The following SLC4A4 variants were observed in gnomAD, a reference collection of about 807,000 sequenced individuals.
SLC4A4 encodes electrogenic sodium bicarbonate cotransporter 1.
In SLC4A4, 27 loss-of-function variants were observed where a neutral mutation model predicts 111.5. That is an observed-to-expected ratio of 0.24 (90% confidence interval 0.18 to 0.33). The LOEUF (loss-of-function observed/expected upper bound fraction) is 0.33. Among genes scored for constraint, SLC4A4 ranks in the 10% least tolerant of loss-of-function variants. The pLI, the probability that SLC4A4 is intolerant of heterozygous loss-of-function variation, is 1.00. For missense variants in SLC4A4, 909 were observed against 1,315.5 expected (o/e 0.69, Z 4.78); for synonymous variants, 443 against 463.4 (o/e 0.96, Z 0.57).
intron 3 of SLC4A4, among the ~76,000 whole-genome samples, chr4:71,289,528 C>T (rs546711408): frequency 2.6e-5 from 4 of 152,024 alleles, no homozygotes; most frequent in Admixed American, 6.6e-5. Context: ...AGAGAGAGAA[C>T]GTGTACATCC....
intron 12 of SLC4A4, among the ~76,000 whole-genome samples, chr4:71,464,931 A>G (rs1198110530): frequency 6.6e-6 from 1 of 152,148 alleles, no homozygotes; most frequent in Non-Finnish European, 1.5e-5. Context: ...TTTCTTCATA[A>G]TCATTTTATG....
chr4:71,332,488 A>G (rs1234914183), intron 3 of SLC4A4, among the ~76,000 whole-genome samples: 1 of 139,604 alleles, frequency 7.2e-6, no homozygotes, highest in African/African-American at 2.7e-5. Flanking sequence ...TCTGTCGCCC[A>G]GGCGGGAGTG....
At chr4:71,209,136 C>A (rs1195051480) in intron 1 of SLC4A4, among the ~76,000 whole-genome samples, 1 of 152,150 alleles carries the variant, frequency 6.6e-6, no homozygotes, top group East Asian at 1.9e-4. Flanking sequence ...CTTTATATGA[C>A]AAGGGCACAT....
chr4:71,269,483 C>T (rs1722538367), intron 3 of SLC4A4, among the ~76,000 whole-genome samples: 1 of 152,200 alleles, frequency 6.6e-6, no homozygotes, highest in African/African-American at 2.4e-5. Flanking sequence ...AGCAGTCACT[C>T]ATTTTCACAG....
chr4:71,493,428 C>T (rs551046713), intron 15 of SLC4A4, among the ~76,000 whole-genome samples: 1 of 152,106 alleles, frequency 6.6e-6, no homozygotes, highest in South Asian at 2.1e-4. Flanking sequence ...ATATTCCAGA[C>T]ATGATGACAG....
chr4:71,273,332 C>T (rs1340612352), intron 3 of SLC4A4, among the ~76,000 whole-genome samples: 3 of 152,130 alleles, frequency 2.0e-5, no homozygotes, highest in Non-Finnish European at 4.4e-5. Flanking sequence ...ACTTTTAAAT[C>T]ATTAAAAGCA....
intron 3 of SLC4A4, among the ~76,000 whole-genome samples, chr4:71,315,106 G>GTATA (rs1726574620): frequency 2.0e-5 from 3 of 151,926 alleles, no homozygotes; most frequent in Non-Finnish European, 4.4e-5. Flanking sequence ...TTATCAAGCT[G>GTATA]AACAGTAACT....
chr4:71,452,428 G>A (rs1293441290), intron 11 of SLC4A4, among the ~76,000 whole-genome samples: 2 of 152,082 alleles, frequency 1.3e-5, no homozygotes, highest in African/African-American at 4.8e-5. Flanking sequence ...CTAATTGAAT[G>A]TCTGTAGTAT....
At chr4:71,567,395 C>T (rs184275165) in intron 25 of SLC4A4, among the ~76,000 whole-genome samples, 1 of 151,838 alleles carries the variant, frequency 6.6e-6, no homozygotes, top group East Asian at 2.0e-4. Context: ...CAGTTCTTCT[C>T]CAGTGGTTTC....
chr4:71,278,759 A>G (rs3100213), intron 3 of SLC4A4, among the ~76,000 whole-genome samples: 2 of 152,256 alleles, frequency 1.3e-5, no homozygotes, highest in African/African-American at 4.8e-5. Context: ...GAAAATGTCT[A>G]ATTAGGTCCT....
At chr4:71,415,928 C>T (rs553136144) in intron 7 of SLC4A4, among the ~76,000 whole-genome samples, 28 of 152,192 alleles carry the variant, frequency 1.8e-4, no homozygotes, top group Non-Finnish European at 4.0e-4. Flanking sequence ...CTCATTTACT[C>T]TTCTTAATTC....
chr4:71,485,344 A>G (rs1379434897), intron 14 of SLC4A4, among the ~76,000 whole-genome samples: 3 of 151,666 alleles, frequency 2.0e-5, no homozygotes, highest in Non-Finnish European at 4.4e-5. Context: ...TTTTAACATG[A>G]ATGGATGTTG....
In SLC4A4 at chr4:71,267,434, T is replaced by C. The variant is rs181849002; in HGVS notation, c.253+12035T>C. Among the ~76,000 whole-genome samples, 74 of 152,226 alleles carry C rather than the reference T, an allele frequency of 4.9e-4. 1 individual carries two copies. In the East Asian group the frequency reaches 0.014, roughly 29 times the overall value. On this transcript the variant is annotated intron_variant, in intron 3 of 25. Coordinates refer to ENST00000264485, the MANE Select transcript of SLC4A4 (RefSeq NM_001098484.3). ...CAAGGCTCTGGGCCAGGAGAAAGCA[T>C]GATGAGTACAAGAGTGGTTATCTAA...
chr4:71,077,162 T>C (rs1053663552), intron 1 of SLC4A4, among the ~76,000 whole-genome samples: 1 of 150,194 alleles, frequency 6.7e-6, no homozygotes. Flanking sequence ...TTAGAGTATG[T>C]ACTTTTTTTT....
intron 3 of SLC4A4, among the ~76,000 whole-genome samples, chr4:71,263,138 C>T (rs1560825803): frequency 6.6e-6 from 1 of 151,634 alleles, no homozygotes; most frequent in Non-Finnish European, 1.5e-5. Flanking sequence ...TTCTATTGCT[C>T]ATCATTACTT....
intron 2 of SLC4A4, among the ~76,000 whole-genome samples, chr4:71,179,711 C>G (rs1255850592): frequency 1.3e-5 from 2 of 152,140 alleles, no homozygotes; most frequent in African/African-American, 4.8e-5. Flanking sequence ...AGGATACAAA[C>G]AAATGGAAGA....
chr4:71,468,226 A>C (rs1246155145), intron 13 of SLC4A4, among the ~76,000 whole-genome samples: 1 of 152,060 alleles, frequency 6.6e-6, no homozygotes, highest in Non-Finnish European at 1.5e-5. Context: ...AGAAAGAGTC[A>C]AACAGTTTTT....
At chr4:71,369,659 A>T (rs1731666983) in intron 6 of SLC4A4, among the ~76,000 whole-genome samples, 1 of 152,228 alleles carries the variant, frequency 6.6e-6, no homozygotes, top group Non-Finnish European at 1.5e-5. Context: ...AAGGGGAATA[A>T]GATAGAATCT....
At chr4:71,406,012 G>A (rs1435637558) in intron 7 of SLC4A4, among the ~76,000 whole-genome samples, 1 of 151,434 alleles carries the variant, frequency 6.6e-6, no homozygotes, top group Admixed American at 6.6e-5. Context: ...GGCTCTGTGA[G>A]AATTTCCTTG....
Sources: allele counts gnomAD v4.1 joint callset (sites outside exome capture counted in the v4.1 genomes callset), GRCh38; gene constraint gnomAD v4.1.1; transcripts MANE v1.5; gene names NCBI Gene and HGNC (gene_info 2026-07-23, HGNC 2026-07-21).